Variants in PCDHGA10 observed in about 807,000 individuals in gnomAD.
PCDHGA10 encodes the protein protocadherin gamma-A10.
Under a neutral mutation model 59.5 loss-of-function variants are expected in PCDHGA10, and 42 were observed. The ratio of observed to expected loss-of-function variants is 0.71; its 90% CI spans 0.55 to 0.91. PCDHGA10 has a LOEUF of 0.91. PCDHGA10 is among the 40% of genes least tolerant of loss of function. The pLI is 0.00. For missense variants in PCDHGA10, 1,111 were observed against 1,198.2 expected, an observed-to-expected ratio of 0.93 and a Z score of 1.07; for synonymous variants, 511 against 517.2, an observed-to-expected ratio of 0.99 and a Z score of 0.16.
intron 1 of PCDHGA10, chr5:141,442,360 G>A (rs890049391): frequency 6.6e-6 from 1 of 152,272 alleles, no homozygotes; most frequent in African/African-American, 2.4e-5. Flanking sequence ...GTAGCTCTAT[G>A]ATGCCATATT....
chr5:141,463,142 C>T (rs1229364880), intron 1 of PCDHGA10, among the ~76,000 whole-genome samples: 1 of 152,160 alleles, frequency 6.6e-6, no homozygotes, highest in Non-Finnish European at 1.5e-5. Context: ...CTTCGCCCAG[C>T]TGCAGAAAAG....
At chr5:141,465,833 T>A (rs2099110537) in intron 1 of PCDHGA10, among the ~76,000 whole-genome samples, 1 of 152,002 alleles carries the variant, frequency 6.6e-6, no homozygotes, top group Non-Finnish European at 1.5e-5. Context: ...GTTTAAAATT[T>A]CAACTGAGGC....
rs1485520054 is a variant in PCDHGA10 at position 141,511,210 on chromosome 5, C to T, written c.*37C>T. 6.2e-7 allele frequency: 1 copy of T among 1,609,328 alleles called. No individual in the cohort carries two copies. The highest frequency in any genetic ancestry group is 1.3e-5 in the African/African-American group (1 of 74,896). ...GGCCAAGAGCCACAGGGCGGCCTCT[C>T]CCCAACCAGCCCAGCTTCTCCTTAC... On this transcript the variant is annotated 3_prime_UTR_variant, in exon 4 of 4. Transcript: ENST00000398610.
Position 141,477,991 on chromosome 5 carries a change from T to C in PCDHGA10, c.2437-16816T>C, listed in dbSNP as rs774877878. On this transcript the variant is annotated intron_variant, in intron 1 of 3. Transcript: ENST00000398610. The surrounding 1 kb of genome is among the most constrained non-coding windows in gnomAD (Gnocchi z 4.9). The stretch of plus-strand genomic sequence containing the variant: ...GCCTTTTTGCCATAGGGCTGCACAC[T>C]GGTCAAATCAGTACTGCCCGTCCAG... 2 of 1,614,134 alleles carry C rather than the reference T, an allele frequency of 1.2e-6. No individual in the cohort carries two copies. Among genetic ancestry groups the C allele is most frequent in the South Asian group, 2.2e-5 (2 of 91,082 alleles).
At chr5:141,452,908 A>G (rs747849272) in intron 1 of PCDHGA10, among the ~76,000 whole-genome samples, 5 of 152,222 alleles carry the variant, frequency 3.3e-5, no homozygotes, top group African/African-American at 4.8e-5. Flanking sequence ...AGTTGGCATT[A>G]TACAGTAAGA....
At chr5:141,415,762 T>G (rs1561760360) in intron 1 of PCDHGA10, 151 bp downstream of exon 1, 16 of 1,399,878 alleles carry the variant, frequency 1.1e-5, no homozygotes, top group East Asian at 5.3e-5. Flanking sequence ...TTTTTTTTTT[T>G]TTTTTTTTTT....
intron 2 of PCDHGA10, among the ~76,000 whole-genome samples, chr5:141,500,184 T>TTTTTTTTATTTATTTA (rs1554186429): frequency 7.4e-6 from 1 of 135,886 alleles, no homozygotes; most frequent in African/African-American, 2.7e-5. Flanking sequence ...TCATTTTTAT[T>TTTTTTTTATTTATTTA]TTTATTTATT....
chr5:141,435,940 G>A (rs2097787697), intron 1 of PCDHGA10, among the ~76,000 whole-genome samples: 1 of 152,066 alleles, frequency 6.6e-6, no homozygotes, highest in Admixed American at 6.5e-5. Flanking sequence ...CTGCTTCTGA[G>A]ACCAAAAAAG....
At chr5:141,461,989 A>G (rs2099028358) in intron 1 of PCDHGA10, among the ~76,000 whole-genome samples, 1 of 152,074 alleles carries the variant, frequency 6.6e-6, no homozygotes, top group African/African-American at 2.4e-5. Flanking sequence ...ACGCCAGGCT[A>G]ATTTTGTATT....
Position 141,423,884 on chromosome 5 carries a change from T to C in PCDHGA10, c.2436+8273T>C, listed in dbSNP as rs1253750785. On this transcript the variant is annotated intron_variant, in intron 1 of 3. Transcript: ENST00000398610. ...TGAAAGTCATTTTTCAATCTTGGCA[T>C]ATTTTCTTTTGATTTCAAAGGGGCC... The C allele has an allele frequency of 6.2e-6, 8 of 1,282,566 alleles. No individual in the cohort carries two copies. In the African/African-American group the frequency reaches 1.2e-4, roughly 20 times the overall value. 79.4% of individuals were successfully genotyped at this position (1,282,566 alleles called of 1,614,324 possible). A position where few individuals can be genotyped will look rare whatever the true frequency, so the allele number is the denominator to read the frequency against.
Position 141,490,109 on chromosome 5 carries a change from G to A in PCDHGA10, c.2437-4698G>A, listed in dbSNP as rs775286436. The A allele has an allele frequency of 3.4e-5, 55 of 1,614,114 alleles. No homozygotes were observed. Among genetic ancestry groups the A allele is most frequent in the African/African-American group, 8.0e-5 (6 of 74,940 alleles). ...GGAGACCACACATCTGAGGCAGTGC[G>A]GAACCTCTTTGGCCTAGACCCTAGC... On this transcript the variant is annotated intron_variant, in intron 1 of 3. Coordinates refer to ENST00000398610, the MANE Select transcript of PCDHGA10 (RefSeq NM_018913.3). This position sits in a 1 kb window ranked among gnomAD's most constrained non-coding sequence, Gnocchi z 5.4.
chr5:141,490,288 G>T lies in PCDHGA10; in HGVS notation c.2437-4519G>T, dbSNP rs2099698282. 1.2e-6 allele frequency: 2 copies of T among 1,614,080 alleles called. No homozygotes were observed. Among genetic ancestry groups the T allele is most frequent in the South Asian group, 1.1e-5 (1 of 91,092 alleles). On this transcript the variant is annotated intron_variant, in intron 1 of 3. Transcript: ENST00000398610. This position sits in a 1 kb window ranked among gnomAD's most constrained non-coding sequence, Gnocchi z 5.4. ...GGATGTCAATGACAATGCCCCAGAG[G>T]TGCTATTGGCCTCTTTGGCCAACCC...
intron 1 of PCDHGA10, among the ~76,000 whole-genome samples, chr5:141,457,254 A>G (rs2098914828): frequency 6.6e-6 from 1 of 152,222 alleles, no homozygotes; most frequent in Admixed American, 6.5e-5. Flanking sequence ...TTGCCAACAT[A>G]TAGAATTCCC....
chr5:141,418,523 C>G (rs2096266495), intron 1 of PCDHGA10: 1 of 1,613,958 alleles, frequency 6.2e-7, no homozygotes, highest in Non-Finnish European at 8.5e-7. Context: ...GGACCCTCCC[C>G]GAAGCGGTAC....
intron 1 of PCDHGA10, among the ~76,000 whole-genome samples, chr5:141,472,924 T>G (rs1247655318): frequency 2.0e-5 from 3 of 147,960 alleles, no homozygotes; most frequent in African/African-American, 7.5e-5. Flanking sequence ...AGGAGGAGGT[T>G]GTGGTGAGCC....
intron 1 of PCDHGA10, chr5:141,441,665 A>G (rs994092543): frequency 2.3e-5 from 6 of 265,720 alleles, no homozygotes; most frequent in Non-Finnish European, 3.7e-5. Context: ...CCTTGAGCGC[A>G]CAGTGCGCCT....
intron 2 of PCDHGA10, among the ~76,000 whole-genome samples, chr5:141,504,443 A>C (rs1043353401): frequency 2.0e-5 from 3 of 152,070 alleles, no homozygotes; most frequent in African/African-American, 4.8e-5. Context: ...CAGTGTGACT[A>C]GTGCCATGTG....
Position 141,413,656 on chromosome 5 carries a change from G to A in PCDHGA10, c.481G>A (p.Ala161Thr). The A allele has an allele frequency of 6.2e-7, 1 of 1,613,872 alleles. No individual in the cohort carries two copies. Among genetic ancestry groups the A allele is most frequent in the Non-Finnish European group, 8.5e-7 (1 of 1,179,884 alleles). ...GGGAATGCGTTTTCCTCTCCCGGAA[G>A]CTATTGATCCGGATGTGGGCGTGAA... ...AAGMRFPLPEAIDPDVGVNSL... is the reference protein window; with the variant it reads ...AAGMRFPLPETIDPDVGVNSL... Residue 161 changes from alanine (A) to threonine (T), a missense_variant, in exon 1 of 4, where the codon GCT (alanine) becomes ACT (threonine). Ala to Thr is a moderately conservative substitution (Grantham distance 58). Transcript: ENST00000398610.
Position 141,512,836 on chromosome 5 carries a change from T to G in PCDHGA10, c.*1663T>G, listed in dbSNP as rs1024777792. On this transcript the variant is annotated 3_prime_UTR_variant, in exon 4 of 4. Transcript: ENST00000398610. ...GGCGACCCCCTCCCCCGTACTGACTTCTCCTATAAGCGCTTCTCTTCGCAT... is the reference window on the plus strand; with the variant it reads ...GGCGACCCCCTCCCCCGTACTGACTGCTCCTATAAGCGCTTCTCTTCGCAT... 2 of 152,222 alleles carry G rather than the reference T, an allele frequency of 1.3e-5. No homozygotes were observed. Among genetic ancestry groups the G allele is most frequent in the African/African-American group, 4.8e-5 (2 of 41,412 alleles). The allele number at this position is 152,222 out of a possible 1,614,324, so 9.4% of individuals were successfully genotyped here. A position where few individuals can be genotyped will look rare whatever the true frequency, so the allele number is the denominator to read the frequency against.
Sources: gnomAD v4.1 joint callset for allele counts (sites outside exome capture counted in the v4.1 genomes callset) on GRCh38, gnomAD v4.1.1 for gene constraint, Gnocchi (gnomAD v3.1) non-coding constraint, MANE v1.5 for transcripts, NCBI Gene and HGNC (gene_info 2026-07-23, HGNC 2026-07-21) for gene names.